The following PRH1 variants were observed in gnomAD, a reference collection of about 807,000 sequenced individuals.
PRH1 encodes the protein proline rich protein HaeIII subfamily 1, also known as salivary acidic proline-rich phosphoprotein 1/2.
Under a neutral mutation model 7.9 loss-of-function variants are expected in PRH1, and 7 were observed. The ratio of observed to expected loss-of-function variants is 0.89; its 90% CI spans 0.50 to 1.67. PRH1 has a LOEUF of 1.67. PRH1 is among the 40% of genes most tolerant of loss of function. The pLI, the probability that PRH1 is intolerant of heterozygous loss-of-function variation, is 0.00. For synonymous variants in PRH1, 45 were observed against 80.8 expected (o/e 0.56, Z 2.38); for missense variants, 109 against 223.6 (o/e 0.49, Z 3.27).
chr12:11,100,588 C>A lies in PRH1; in HGVS notation n.124-53400G>T, dbSNP rs115263672. Reference sequence around the variant, plus strand: ...TTAAGCTGTTTTTATTAGCAGAAATCAACACTTCTTAGTTTTTAACAATCT... The same window carrying A: ...TTAAGCTGTTTTTATTAGCAGAAATAAACACTTCTTAGTTTTTAACAATCT... On this transcript the variant is annotated intron_variant and non_coding_transcript_variant, in intron 1 of 4. Transcript: ENST00000541977. 5.3e-3 allele frequency among the ~76,000 whole-genome samples: 804 copies of A among 152,274 alleles called. 15 individuals carry two copies. Among genetic ancestry groups the A allele is most frequent in the African/African-American group, 0.019 (782 of 41,556 alleles).
chr12:11,048,910 A>T (rs1030455006), upstream of PRH1: 7 of 273,368 alleles, frequency 2.6e-5, no homozygotes, highest in South Asian at 2.8e-4. Context: ...GAGAAAAATA[A>T]GGTTGGAGAA....
chr12:11,153,324 C>T (rs923816888), intron 1 of PRH1, among the ~76,000 whole-genome samples: 7 of 152,180 alleles, frequency 4.6e-5, no homozygotes, highest in Non-Finnish European at 1.0e-4. Flanking sequence ...TCTCCTATAG[C>T]AGAAGTACTA....
At chr12:11,161,098 T>G (rs187899584) in intron 1 of PRH1, among the ~76,000 whole-genome samples, 17 of 152,260 alleles carry the variant, frequency 1.1e-4, no homozygotes, top group Admixed American at 6.5e-4. Flanking sequence ...CCATAAAAAT[T>G]TGCCATGCAT....
chr12:10,914,362 A>G (rs571534483), intron 2 of PRH1, among the ~76,000 whole-genome samples: 5 of 152,342 alleles, frequency 3.3e-5, no homozygotes, highest in South Asian at 4.1e-4. Flanking sequence ...TACATGTGCC[A>G]TAGTAAATTA....
At chr12:11,041,611 G>C (rs1011612847) in intron 1 of PRH1, among the ~76,000 whole-genome samples, 16 of 152,116 alleles carry the variant, frequency 1.1e-4, no homozygotes, top group Non-Finnish European at 8.8e-5. Flanking sequence ...GACTTAATCT[G>C]CACTATGGAA....
chr12:10,975,968 T>C (rs1365267730), intron 1 of PRH1, among the ~76,000 whole-genome samples: 3 of 152,054 alleles, frequency 2.0e-5, no homozygotes, highest in African/African-American at 7.2e-5. Context: ...CACACAACAC[T>C]AGTGGGAGAA....
intron 2 of PRH1, among the ~76,000 whole-genome samples, chr12:10,900,518 A>G (rs142704727): frequency 2.0e-5 from 3 of 151,828 alleles, no homozygotes; most frequent in East Asian, 2.0e-4. Context: ...AATTGTGGGG[A>G]AAAAAAACCT....
upstream of PRH1, among the ~76,000 whole-genome samples, chr12:10,884,443 A>C (rs935632166): frequency 6.6e-6 from 1 of 152,176 alleles, no homozygotes; most frequent in African/African-American, 2.4e-5. Flanking sequence ...GTTTGTGTCT[A>C]ATTCCTAAAA....
At chr12:11,133,424 G>A (rs1328044292) in intron 1 of PRH1, 1 of 1,613,830 alleles carries the variant, frequency 6.2e-7, no homozygotes, top group African/African-American at 1.3e-5. Context: ...GAATGGGTGG[G>A]TTGAAGGATA....
At chr12:11,057,384 T>C (rs1026974300) in intron 1 of PRH1, among the ~76,000 whole-genome samples, 1 of 152,208 alleles carries the variant, frequency 6.6e-6, no homozygotes, top group African/African-American at 2.4e-5. Context: ...TTGTAGTTAC[T>C]ACCTCTTCCT....
At chr12:11,086,312 A>G (rs562258611) in intron 1 of PRH1, among the ~76,000 whole-genome samples, 4 of 132,400 alleles carry the variant, frequency 3.0e-5, no homozygotes, top group African/African-American at 1.1e-4. Context: ...CAGCAATTTT[A>G]TAACTATTCC....
intron 2 of PRH1, among the ~76,000 whole-genome samples, chr12:10,903,462 A>T (rs766436201): frequency 9.9e-5 from 15 of 152,070 alleles, no homozygotes; most frequent in Non-Finnish European, 1.5e-4. Flanking sequence ...GAGGCAGAAA[A>T]CTAACAAGGA....
chr12:10,980,496 T>G (rs1939301039), intron 1 of PRH1, among the ~76,000 whole-genome samples: 1 of 152,174 alleles, frequency 6.6e-6, no homozygotes, highest in Non-Finnish European at 1.5e-5. Flanking sequence ...GTCATGTTAC[T>G]TTTAAATGTA....
chr12:11,066,249 A>G (rs1943806397), intron 1 of PRH1, among the ~76,000 whole-genome samples: 1 of 152,190 alleles, frequency 6.6e-6, no homozygotes. Flanking sequence ...CATCACTCAC[A>G]CAAGTGTGAC....
chr12:10,907,432 T>C (rs1949820252), intron 2 of PRH1, among the ~76,000 whole-genome samples: 1 of 152,036 alleles, frequency 6.6e-6, no homozygotes, highest in Non-Finnish European at 1.5e-5. Context: ...TACTGATTAA[T>C]ACAACAAAAC....
intron 1 of PRH1, among the ~76,000 whole-genome samples, chr12:11,142,289 T>C (rs564774635): frequency 6.6e-6 from 1 of 152,326 alleles, no homozygotes; most frequent in South Asian, 2.1e-4. Flanking sequence ...TTATATATAT[T>C]CAGTGCAATC....
At chr12:10,985,083 A>AC (rs1565521829) in intron 1 of PRH1, among the ~76,000 whole-genome samples, 1 of 151,854 alleles carries the variant, frequency 6.6e-6, no homozygotes, top group East Asian at 1.9e-4. Flanking sequence ...AGAAAAAAAA[A>AC]CCTGAAATAC....
intron 2 of PRH1, among the ~76,000 whole-genome samples, chr12:10,928,281 C>T (rs1950151571): frequency 6.6e-6 from 1 of 152,152 alleles, no homozygotes; most frequent in Non-Finnish European, 1.5e-5. Flanking sequence ...CCAATCAAGG[C>T]ATTTGAGGCT....
Position 10,908,867 on chromosome 12 carries a change from A to G in PRH1, c.-58-24592T>C, listed in dbSNP as rs780938834. 2.0e-5 allele frequency: 32 copies of G among 1,613,046 alleles called. No individual in the cohort carries two copies. The Middle Eastern group carries it at 5.0e-4, about 25-fold the overall frequency. ...TTATATGCATGTTTATTTGTATCAG[A>G]TTTAAAAATAAGAAGACCAAGGTTC... On this transcript the variant is annotated intron_variant, in intron 2 of 3. Coordinates refer to the PRH1 transcript ENST00000539853.
Sources: gnomAD v4.1 joint callset for allele counts (sites outside exome capture counted in the v4.1 genomes callset) on GRCh38, gnomAD v4.1.1 for gene constraint, MANE v1.5 for transcripts, NCBI Gene and HGNC (gene_info 2026-07-23, HGNC 2026-07-21) for gene names.